Variants in FARP1 observed in about 807,000 individuals in gnomAD.
FARP1 encodes the protein FERM, ARHGEF and pleckstrin domain-containing protein 1.
Under a neutral mutation model 128.8 loss-of-function variants are expected in FARP1, and 52 were observed. The observed-to-expected ratio is 0.40, with a 90% CI of 0.32 to 0.51. The LOEUF (loss-of-function observed/expected upper bound fraction) is 0.51. FARP1 is among the 20% of genes least tolerant of loss of function. FARP1 has a pLI of 0.45. For synonymous variants in FARP1, 580 were observed against 551.8 expected, an observed-to-expected ratio of 1.05 and a Z score of -0.72; for missense variants, 1,333 against 1,367.9, an observed-to-expected ratio of 0.97 and a Z score of 0.40.
chr13:98,183,660 C>G (rs1227839270), intron 1 of FARP1, among the ~76,000 whole-genome samples: 4 of 152,134 alleles, frequency 2.6e-5, no homozygotes, highest in African/African-American at 7.2e-5. Flanking sequence ...TGCCTGTGTT[C>G]TTATTCAGTG....
chr13:98,214,213 A>C (rs1004682645), intron 2 of FARP1, among the ~76,000 whole-genome samples: 2 of 152,210 alleles, frequency 1.3e-5, no homozygotes, highest in African/African-American at 4.8e-5. Flanking sequence ...GAGGATGAGA[A>C]GCTGCCGCCT....
At chr13:98,228,972 C>T (rs1429483680) in intron 2 of FARP1, among the ~76,000 whole-genome samples, 13 of 152,256 alleles carry the variant, frequency 8.5e-5, no homozygotes, top group African/African-American at 1.9e-4. Flanking sequence ...TTCTTTTTAA[C>T]AAATACAAGA....
In FARP1 at chr13:98,438,851, C is replaced by T. The variant is rs760570639; in HGVS notation, c.2322C>T (p.Leu774=). ...TCAGCAAGCTCTCGGGGAAGGGGCT[C>T]CAGCAGCGCATGTTCTTCCTGGTGA... The part of the protein sequence containing the change: ...GSLSKLSGKG[L]QQRMFFLFND... Residue 774 remains leucine (L), a synonymous_variant, in exon 20 of 27, where the codon CTC becomes CTT. Coordinates refer to ENST00000319562, the MANE Select transcript of FARP1 (RefSeq NM_005766.4). The T allele has an allele frequency of 6.8e-6, 11 of 1,613,468 alleles. No homozygotes were observed. Among genetic ancestry groups the T allele is most frequent in the Non-Finnish European group, 7.6e-6 (9 of 1,179,960 alleles).
chr13:98,437,810 C>G (rs1348721222), intron 19 of FARP1: 1 of 1,596,746 alleles, frequency 6.3e-7, no homozygotes, highest in Non-Finnish European at 8.5e-7. Flanking sequence ...TAGGACAAGC[C>G]AGGCGCATCC....
chr13:98,199,179 A>G (rs1175842364), intron 1 of FARP1, among the ~76,000 whole-genome samples: 1 of 151,814 alleles, frequency 6.6e-6, no homozygotes, highest in Non-Finnish European at 1.5e-5. Flanking sequence ...CGTGAGTCCT[A>G]CCCACACCAT....
chr13:98,313,789 C>T (rs1318387472), intron 2 of FARP1, among the ~76,000 whole-genome samples: 1 of 152,212 alleles, frequency 6.6e-6, no homozygotes, highest in East Asian at 1.9e-4. Flanking sequence ...GGGAAGGGAT[C>T]ATAGGGAAGG....
chr13:98,176,528 T>C lies in FARP1; in HGVS notation c.-24+33036T>C. 1 of 1,614,204 alleles carries C rather than the reference T, an allele frequency of 6.2e-7. No individual in the cohort carries two copies. Among genetic ancestry groups the C allele is most frequent in the South Asian group, 1.1e-5 (1 of 91,082 alleles). ...ACTTCATGGTTTTCGTCCTCGCAGA[T>C]ACAGTAGCGACCCTCTTCAAGCTCC... On this transcript the variant is annotated intron_variant, in intron 1 of 26. Coordinates refer to ENST00000319562, the MANE Select transcript of FARP1 (RefSeq NM_005766.4). This position sits in a 1 kb window ranked among gnomAD's most constrained non-coding sequence, Gnocchi z 6.2.
At position 98,446,688 on chromosome 13, in the gene FARP1, T is replaced by G; in HGVS notation, c.2927T>G (p.Leu976Arg). ...SHQDNHPLAS[L>R]PLLGYSLTIP... ...CAGGACAATCATCCCCTTGCCAGCC[T>G]GCCTCTGCTCGGCTACTCGCTCACC... is the stretch of plus-strand genomic sequence containing the variant. Residue 976 changes from leucine (L) to arginine (R), a missense_variant, in exon 26 of 27, where the codon CTG becomes CGG. By Grantham distance (102) the Leu-to-Arg change is moderately radical. Around this residue, in one of 2 missense-constraint regions of FARP1, gnomAD observed 1,009 missense variants for 969.8 expected, o/e 1.04. Transcript: ENST00000319562. 4.3e-6 allele frequency: 7 copies of G among 1,614,122 alleles called. No homozygotes were observed. Among genetic ancestry groups the G allele is most frequent in the Non-Finnish European group, 4.2e-6 (5 of 1,180,002 alleles).
intron 2 of FARP1, among the ~76,000 whole-genome samples, chr13:98,287,881 A>C (rs1336985498): frequency 1.4e-5 from 2 of 145,628 alleles, no homozygotes; most frequent in Non-Finnish European, 3.0e-5. Context: ...GGCTCACTGC[A>C]ACCTCTGACT....
chr13:98,327,668 C>G (rs1188021783), intron 2 of FARP1, among the ~76,000 whole-genome samples: 1 of 152,180 alleles, frequency 6.6e-6, no homozygotes, highest in South Asian at 2.1e-4. Context: ...TTCCAAGACC[C>G]CAGTGGATGC....
chr13:98,179,175 T>C (rs1878325498), intron 1 of FARP1, among the ~76,000 whole-genome samples: 1 of 151,970 alleles, frequency 6.6e-6, no homozygotes, highest in Admixed American at 6.6e-5. Flanking sequence ...TCACAATCCA[T>C]GGTAGAAGGT....
intron 2 of FARP1, among the ~76,000 whole-genome samples, chr13:98,287,747 G>A (rs903855459): frequency 6.8e-6 from 1 of 148,010 alleles, no homozygotes; most frequent in Admixed American, 6.7e-5. Flanking sequence ...ATGATGTTTT[G>A]TGCTGTGCCG....
chr13:98,371,506 A>G (rs1889329062), intron 5 of FARP1, among the ~76,000 whole-genome samples: 2 of 152,086 alleles, frequency 1.3e-5, no homozygotes. Flanking sequence ...GTCTTTTCCA[A>G]GGAGACAGTT....
intron 2 of FARP1, among the ~76,000 whole-genome samples, chr13:98,287,481 A>T (rs147524824): frequency 4.6e-5 from 7 of 151,854 alleles, no homozygotes; most frequent in African/African-American, 1.5e-4. Context: ...CGCCCATCTC[A>T]GCCTCCCAAA....
chr13:98,191,109 G>A (rs1227655164), intron 1 of FARP1, among the ~76,000 whole-genome samples: 1 of 152,128 alleles, frequency 6.6e-6, no homozygotes, highest in Middle Eastern at 3.2e-3. Context: ...GGCATTAAGG[G>A]AACTCCCGGG....
Position 98,439,030 on chromosome 13 carries a change from G to A in FARP1, c.2344-77G>A, listed in dbSNP as rs1342362294. ...AGTTGTTGAGGACAGTGAAGGCACAGTTGAGGACAGGGAATGCTGGAGGGA... is the reference window on the plus strand; with the variant it reads ...AGTTGTTGAGGACAGTGAAGGCACAATTGAGGACAGGGAATGCTGGAGGGA... On this transcript the variant is annotated intron_variant, in intron 20 of 26. Coordinates refer to ENST00000319562, the MANE Select transcript of FARP1 (RefSeq NM_005766.4). 2.8e-6 allele frequency: 4 copies of A among 1,410,478 alleles called. No individual in the cohort carries two copies. In the African/African-American group the frequency reaches 4.2e-5, roughly 15 times the overall value. 87.4% of individuals were successfully genotyped at this position (1,410,478 alleles called of 1,614,324 possible).
At chr13:98,294,366 T>A (rs566577069) in intron 2 of FARP1, among the ~76,000 whole-genome samples, 1 of 152,344 alleles carries the variant, frequency 6.6e-6, no homozygotes, top group East Asian at 1.9e-4. Flanking sequence ...CAACCATTGA[T>A]AAGAATGCTC....
chr13:98,261,170 T>G (rs1304897934), intron 2 of FARP1, among the ~76,000 whole-genome samples: 1 of 152,216 alleles, frequency 6.6e-6, no homozygotes, highest in African/African-American at 2.4e-5. Flanking sequence ...AAGGAACCAC[T>G]GCTGTGGTCC....
chr13:98,304,572 A>T (rs1448778465), intron 2 of FARP1, among the ~76,000 whole-genome samples: 1 of 152,172 alleles, frequency 6.6e-6, no homozygotes, highest in African/African-American at 2.4e-5. Flanking sequence ...AGACACAGGA[A>T]CCAGGAAAGC....
Sources: gnomAD v4.1 joint callset for allele counts (sites outside exome capture counted in the v4.1 genomes callset) on GRCh38, gnomAD v4.1.1 for gene constraint, gnomAD v4.1.1 regional missense constraint, Gnocchi (gnomAD v3.1) non-coding constraint, MANE v1.5 for transcripts, NCBI Gene and HGNC (gene_info 2026-07-23, HGNC 2026-07-21) for gene names.